The following CSMD1 variants were observed in gnomAD, a reference collection of about 807,000 sequenced individuals.
CSMD1 encodes CUB and sushi domain-containing protein 1.
CSMD1 carries 213 observed loss-of-function variants against 417.5 expected under a neutral mutation model. The observed-to-expected ratio is 0.51, with a 90% CI of 0.46 to 0.57. The LOEUF is 0.57. Among genes scored for constraint, CSMD1 ranks in the 20% least tolerant of loss-of-function variants. The pLI is 0.00. For missense variants in CSMD1, 6,923 were observed against 4,529.7 expected (o/e 1.53, Z -15.17); for synonymous variants, 2,862 against 1,736.8 (o/e 1.65, Z -16.11).
At chr8:4,396,242 G>A (rs576889886) in intron 3 of CSMD1, among the ~76,000 whole-genome samples, 15 of 152,000 alleles carry the variant, frequency 9.9e-5, no homozygotes, top group Non-Finnish European at 2.1e-4. Flanking sequence ...TAGGCAGATC[G>A]CTTGAGCCCA....
intron 3 of CSMD1, among the ~76,000 whole-genome samples, chr8:4,378,906 C>T (rs928756416): frequency 6.6e-6 from 1 of 152,176 alleles, no homozygotes; most frequent in Non-Finnish European, 1.5e-5. Flanking sequence ...ATGCTTGGGT[C>T]TTGGACTTCC....
At chr8:3,264,464 G>C (rs138444591) in intron 26 of CSMD1, among the ~76,000 whole-genome samples, 1 of 152,144 alleles carries the variant, frequency 6.6e-6, no homozygotes, top group African/African-American at 2.4e-5. Flanking sequence ...AGTTTGAATC[G>C]AGTGAGGTGA....
intron 3 of CSMD1, among the ~76,000 whole-genome samples, chr8:4,210,338 G>C (rs1163112093): frequency 6.6e-6 from 1 of 152,206 alleles, no homozygotes; most frequent in East Asian, 1.9e-4. Context: ...GCTGTGTCAA[G>C]TAAGTTGTAT....
chr8:4,334,134 C>T (rs764186288), intron 3 of CSMD1, among the ~76,000 whole-genome samples: 22 of 151,996 alleles, frequency 1.4e-4, no homozygotes, highest in African/African-American at 5.3e-4. Flanking sequence ...CTCAAACTCC[C>T]GAACTCAAGA....
chr8:3,620,925 C>A (rs999008416), intron 7 of CSMD1, among the ~76,000 whole-genome samples: 5 of 152,310 alleles, frequency 3.3e-5, no homozygotes, highest in Non-Finnish European at 7.3e-5. Context: ...ACCAGTACCT[C>A]ACAATTGACT....
At chr8:4,271,231 A>T (rs1219121064) in intron 3 of CSMD1, among the ~76,000 whole-genome samples, 2 of 152,152 alleles carry the variant, frequency 1.3e-5, no homozygotes, top group East Asian at 3.9e-4. Context: ...GATATACACG[A>T]ATCAGGGCGT....
At chr8:3,815,386 A>C (rs558999198) in intron 5 of CSMD1, among the ~76,000 whole-genome samples, 2 of 152,286 alleles carry the variant, frequency 1.3e-5, no homozygotes, top group East Asian at 1.9e-4. Flanking sequence ...TTACAGATGA[A>C]ATTAAATCTG....
intron 8 of CSMD1, among the ~76,000 whole-genome samples, chr8:3,610,103 A>G (rs1442546698): frequency 4.6e-5 from 7 of 152,132 alleles, no homozygotes; most frequent in Non-Finnish European, 1.0e-4. Flanking sequence ...ATTTGTAATG[A>G]ACTGATTATA....
intron 48 of CSMD1, among the ~76,000 whole-genome samples, chr8:3,088,275 C>A (rs774024708): frequency 3.9e-5 from 6 of 152,210 alleles, no homozygotes; most frequent in Admixed American, 6.5e-5. Flanking sequence ...TAGGTCACTA[C>A]TGCATAAGGC....
intron 1 of CSMD1, among the ~76,000 whole-genome samples, chr8:4,853,711 G>C (rs556049800): frequency 6.6e-6 from 1 of 152,154 alleles, no homozygotes; most frequent in Non-Finnish European, 1.5e-5. Context: ...AGGAATGGTA[G>C]ATCTAACAGC....
intron 3 of CSMD1, among the ~76,000 whole-genome samples, chr8:4,322,269 C>T (rs1049472047): frequency 3.3e-5 from 5 of 152,082 alleles, no homozygotes; most frequent in African/African-American, 7.2e-5. Context: ...ATAGTTTAAA[C>T]ATAAGTGAGA....
intron 10 of CSMD1, among the ~76,000 whole-genome samples, chr8:3,558,242 G>A (rs994017512): frequency 6.7e-6 from 1 of 149,812 alleles, no homozygotes; most frequent in Non-Finnish European, 1.5e-5. Flanking sequence ...GACAAATAGT[G>A]CCTCAATAGT....
At chr8:4,356,329 TAC>T (rs3990908) in intron 3 of CSMD1, among the ~76,000 whole-genome samples, 4 of 150,930 alleles carry the variant, frequency 2.7e-5, no homozygotes, top group South Asian at 2.1e-4. Flanking sequence ...TCATATGTAA[TAC>T]ACACACACAC....
chr8:3,035,343 T>C (rs1187994342), intron 50 of CSMD1, among the ~76,000 whole-genome samples: 1 of 152,130 alleles, frequency 6.6e-6, no homozygotes, highest in Non-Finnish European at 1.5e-5. Flanking sequence ...ACAACGACAC[T>C]GAGACAGAAA....
intron 15 of CSMD1, among the ~76,000 whole-genome samples, chr8:3,405,520 T>G (rs1812293095): frequency 6.6e-6 from 1 of 152,208 alleles, no homozygotes; most frequent in Non-Finnish European, 1.5e-5. Context: ...AATCATACAT[T>G]GAGGTCCTAA....
chr8:3,260,446 C>G (rs1800974988), intron 26 of CSMD1, among the ~76,000 whole-genome samples: 1 of 152,048 alleles, frequency 6.6e-6, no homozygotes, highest in African/African-American at 2.4e-5. Context: ...GGTGCATCAA[C>G]TCAGCCCAGA....
chr8:4,761,911 CAAT>C (rs1563319728), intron 1 of CSMD1, among the ~76,000 whole-genome samples: 16 of 69,384 alleles, frequency 2.3e-4, no homozygotes, highest in Admixed American at 9.7e-4. Flanking sequence ...ATCTATCTAT[CAAT>C]CTATCTATCT....
intron 3 of CSMD1, among the ~76,000 whole-genome samples, chr8:4,232,731 G>A (rs182884251): frequency 5.9e-5 from 9 of 152,148 alleles, no homozygotes; most frequent in Admixed American, 2.0e-4. Context: ...TTTAACAGTC[G>A]TAAGATTGCC....
intron 1 of CSMD1, among the ~76,000 whole-genome samples, chr8:4,672,576 G>C (rs116529375): frequency 6.6e-6 from 1 of 152,104 alleles, no homozygotes; most frequent in Non-Finnish European, 1.5e-5. Flanking sequence ...TAAGACTATT[G>C]CTGATTCCCT....
Sources: allele counts gnomAD v4.1 joint callset (sites outside exome capture counted in the v4.1 genomes callset), GRCh38; gene constraint gnomAD v4.1.1; transcripts MANE v1.5; gene names NCBI Gene and HGNC (gene_info 2026-07-23, HGNC 2026-07-21).